ADGRE3: variants seen among roughly 807,000 people sequenced by gnomAD.
ADGRE3 encodes EGF-like module receptor 3.
In ADGRE3, 88 loss-of-function variants were observed where a neutral mutation model predicts 80.1. The ratio of observed to expected loss-of-function variants is 1.10; its 90% CI spans 0.93 to 1.31. The LOEUF (loss-of-function observed/expected upper bound fraction) is 1.31, where lower values mean the gene tolerates loss of function less well. Among genes scored for constraint, ADGRE3 ranks in the 40% most tolerant of loss-of-function variants. ADGRE3 has a pLI of 0.00. For synonymous variants in ADGRE3, 281 were observed against 294.8 expected (o/e 0.95, Z 0.48); for missense variants, 715 against 776.5 (o/e 0.92, Z 0.94).
At chr19:14,615,274 C>T (rs2075069173), downstream of ADGRE3, among the ~76,000 whole-genome samples, 1 of 118,308 alleles carries the variant, frequency 8.5e-6, no homozygotes, top group Non-Finnish European at 1.6e-5. Context: ...GTGGTGTGAT[C>T]TTGGCTCACT....
rs542434362 is a variant in ADGRE3 at position 14,665,896 on chromosome 19, T to G, written c.77-2356A>C. Among the ~76,000 whole-genome samples, 4 of 135,506 alleles carry G rather than the reference T, an allele frequency of 3.0e-5. No homozygotes were observed. In the East Asian group the frequency reaches 6.6e-4, roughly 22 times the overall value. The allele number at this position is 135,506 out of a possible 152,430, so 88.9% of individuals were successfully genotyped here. ...ATATAATTATATAAGATATAAATTA[T>G]ATATTTATACACATATATATTGCAT... is the stretch of plus-strand genomic sequence containing the variant. On this transcript the variant is annotated intron_variant, in intron 2 of 15. Transcript: ENST00000253673.
intron 5 of ADGRE3, among the ~76,000 whole-genome samples, chr19:14,656,375 GA>G (rs78369860): frequency 0.75 from 98,083 of 130,482 alleles, 36,850 homozygotes; most frequent in East Asian, 0.87. Flanking sequence ...AAAAAGAAAA[GA>G]AAAAAAAAAA....
chr19:14,605,315 C>T, the ADGRE3 span, among the ~76,000 whole-genome samples: 2 of 152,090 alleles, frequency 1.3e-5, no homozygotes, highest in African/African-American at 4.8e-5. Context: ...AAGCTGGTCT[C>T]GAACTCCTGA....
chr19:14,637,936 C>T (rs1971142040), intron 11 of ADGRE3, among the ~76,000 whole-genome samples, 169 bp downstream of exon 11: 1 of 152,128 alleles, frequency 6.6e-6, no homozygotes, highest in African/African-American at 2.4e-5. Flanking sequence ...CAGAACCTTG[C>T]AAACTCTTAC....
chr19:14,629,785 T>A (rs1156551977), intron 14 of ADGRE3, among the ~76,000 whole-genome samples: 1 of 152,170 alleles, frequency 6.6e-6, no homozygotes, highest in Non-Finnish European at 1.5e-5. Flanking sequence ...TAGCTGACTA[T>A]TACGAGTGGG....
At chr19:14,608,513 C>G in the ADGRE3 span, among the ~76,000 whole-genome samples, 1 of 152,040 alleles carries the variant, frequency 6.6e-6, no homozygotes. Flanking sequence ...GACCCTGAAC[C>G]TTCAATATTT....
chr19:14,647,141 C>G (rs1489782556), intron 8 of ADGRE3, 40 bp downstream of exon 8: 1 of 1,571,936 alleles, frequency 6.4e-7, no homozygotes, highest in Non-Finnish European at 8.7e-7. Context: ...TGGCCTGCCT[C>G]CTTGAGAACC....
At chr19:14,661,907 A>G in intron 4 of ADGRE3, 56 bp downstream of exon 4, 1 of 1,579,198 alleles carries the variant, frequency 6.3e-7, no homozygotes, top group East Asian at 2.2e-5. Flanking sequence ...AACAAAACAA[A>G]CAAACAAAAA....
At chr19:14,668,355 C>CT (rs113084264) in intron 2 of ADGRE3, among the ~76,000 whole-genome samples, 287 of 148,260 alleles carry the variant, frequency 1.9e-3, no homozygotes, top group Non-Finnish European at 2.7e-3. Context: ...ACCAGACAAA[C>CT]TTTTTTTTTT....
At chr19:14,654,957 G>GT (rs1451744427) in intron 6 of ADGRE3, 25 bp downstream of exon 6, 7 of 1,602,210 alleles carry the variant, frequency 4.4e-6, no homozygotes, top group Non-Finnish European at 6.0e-6. Context: ...TCCCCAGGGT[G>GT]TATCAGTCCT....
intron 13 of ADGRE3, among the ~76,000 whole-genome samples, chr19:14,631,375 AAAT>A (rs143212415): frequency 0.37 from 56,183 of 150,594 alleles, 10,808 homozygotes; most frequent in Admixed American, 0.43. Flanking sequence ...ATAAGAATAA[AAAT>A]AATAATAAAA....
chr19:14,662,057 A>G lies in ADGRE3; in HGVS notation c.261T>C (p.Asn87=). The change falls in exon 4 of 16, where the codon AAT becomes AAC. Residue 87 remains asparagine (N), a synonymous_variant. Transcript: ENST00000253673. Reference sequence around the variant, plus strand: ...ATTGACAGTAGAAACTTCCTTCGACATTGTAACACACAGCGTTAAATCCAC... The same window carrying G: ...ATTGACAGTAGAAACTTCCTTCGACGTTGTAACACACAGCGTTAAATCCAC... ...VYCGFNAVCY[N]VEGSFYCQCV... 6.2e-7 allele frequency: 1 copy of G among 1,614,118 alleles called. No homozygotes were observed. The highest frequency in any genetic ancestry group is 1.3e-5 in the African/African-American group (1 of 75,064).
At chr19:14,600,169 G>A in the ADGRE3 span, 1 of 1,614,010 alleles carries the variant, frequency 6.2e-7, no homozygotes, top group Middle Eastern at 1.6e-4. Flanking sequence ...ATCATCAATA[G>A]CTTTGCTGAG....
chr19:14,633,182 C>A (rs1970932193), intron 12 of ADGRE3, 54 bp downstream of exon 12: 1 of 1,511,458 alleles, frequency 6.6e-7, no homozygotes, highest in African/African-American at 1.4e-5. Context: ...CATCTTGTAC[C>A]CAGCACTTCT....
chr19:14,649,462 T>C (rs1354839493), intron 7 of ADGRE3, among the ~76,000 whole-genome samples: 11 of 96,868 alleles, frequency 1.1e-4, no homozygotes, highest in African/African-American at 2.0e-4. Context: ...CTTTCCACCT[T>C]TTTCCCCATC....
At chr19:14,639,944 A>G (rs1971203475) in intron 10 of ADGRE3, among the ~76,000 whole-genome samples, 1 of 152,132 alleles carries the variant, frequency 6.6e-6, no homozygotes. Flanking sequence ...CTTTCCGTCT[A>G]GCTGAAATTT....
chr19:14,635,999 CT>C (rs372158899), intron 11 of ADGRE3, among the ~76,000 whole-genome samples: 27,735 of 71,038 alleles, frequency 0.39, 5,554 homozygotes, highest in Middle Eastern at 0.51. Flanking sequence ...CTTTCTCTCT[CT>C]TTCTCTTTCT....
the ADGRE3 span, among the ~76,000 whole-genome samples, chr19:14,609,128 A>C: frequency 6.6e-6 from 1 of 152,094 alleles, no homozygotes; most frequent in East Asian, 1.9e-4. Flanking sequence ...GCTCACAGGA[A>C]TGCTTTTTCC....
In ADGRE3 at chr19:14,635,272, A is replaced by ATT. The variant is rs879343313; in HGVS notation, c.1485-1972_1485-1971dup. Among the ~76,000 whole-genome samples, 161 of 144,944 alleles carry ATT rather than the reference A, an allele frequency of 1.1e-3. 1 individual carries two copies. The highest frequency in any genetic ancestry group is 3.7e-3 in the African/African-American group (149 of 39,780). On this transcript the variant is annotated intron_variant, in intron 11 of 15. Coordinates refer to ENST00000253673, the MANE Select transcript of ADGRE3 (RefSeq NM_032571.5). ...CCACCGTGTCCAGCTAATTAAAACA[A>ATT]TTTTTTTTTTTTGGTAGAGATGGGG...
Sources: gnomAD v4.1 joint callset for allele counts (sites outside exome capture counted in the v4.1 genomes callset) on GRCh38, gnomAD v4.1.1 for gene constraint, MANE v1.5 for transcripts, NCBI Gene and HGNC (gene_info 2026-07-23, HGNC 2026-07-21) for gene names.